The following ZSCAN32 variants were observed in gnomAD, a reference collection of about 807,000 sequenced individuals.
ZSCAN32 encodes the protein zinc finger and SCAN domain-containing protein 32.
In ZSCAN32, 52 loss-of-function variants were observed where a neutral mutation model predicts 47.4. That is an observed-to-expected ratio of 1.10 (90% CI 0.88 to 1.38). The LOEUF is 1.38. Among genes scored for constraint, ZSCAN32 ranks in the 40% most tolerant of loss-of-function variants. The pLI is 0.00. For missense variants in ZSCAN32, 959 were observed against 846.0 expected (o/e 1.13, Z -1.66); for synonymous variants, 346 against 305.7 (o/e 1.13, Z -1.38).
rs369512600 is a variant in ZSCAN32, at chr16:3,393,791, C to T, written c.390G>A (p.Leu130=). 1.6e-5 allele frequency: 25 copies of T among 1,549,684 alleles called. 1 individual carries two copies. The highest frequency in any genetic ancestry group is 4.9e-5 in the East Asian group (2 of 40,904). ...GQQVLDSEKD[L]KVLMKEMAPL... ...GGGCCATCTCCTTCATGAGTACTTT[C>T]AAGTCCTTCTCAGAATCTAGAACCT... is the stretch of plus-strand genomic sequence containing the variant. Residue 130 remains leucine (L), a synonymous_variant, in exon 3 of 7, where the codon TTG becomes TTA. Coordinates refer to ENST00000396852, the MANE Select transcript of ZSCAN32 (RefSeq NM_001284527.2).
intron 3 of ZSCAN32, among the ~76,000 whole-genome samples, chr16:3,392,769 T>G (rs983094782): frequency 5.9e-5 from 9 of 151,982 alleles, no homozygotes; most frequent in African/African-American, 2.2e-4. Flanking sequence ...GAGCTTGCAG[T>G]AAGCCAAGAT....
At chr16:3,394,101 A>C (rs1044801065) in intron 2 of ZSCAN32, among the ~76,000 whole-genome samples, 2 of 152,158 alleles carry the variant, frequency 1.3e-5, no homozygotes, top group African/African-American at 4.8e-5. Context: ...CCCCGTCTCT[A>C]CTAAAAATAC....
chr16:3,390,672 C>T (rs1335750040), intron 3 of ZSCAN32, among the ~76,000 whole-genome samples, 155 bp from the exon 4 acceptor site: 2 of 152,090 alleles, frequency 1.3e-5, no homozygotes, highest in African/African-American at 4.8e-5. Flanking sequence ...TCTTCTGAAT[C>T]GGAAATTCTG....
chr16:3,394,164 G>A (rs544360372), intron 2 of ZSCAN32, among the ~76,000 whole-genome samples: 1 of 152,170 alleles, frequency 6.6e-6, no homozygotes, highest in South Asian at 2.1e-4. Context: ...TATTTGGGAG[G>A]CTGAGGCAGG....
Position 3,397,596 on chromosome 16 carries a change from A to G in ZSCAN32, c.-39T>C, listed in dbSNP as rs2033499105. 1.4e-6 allele frequency: 2 copies of G among 1,477,472 alleles called. No homozygotes were observed. Among genetic ancestry groups the G allele is most frequent in the Non-Finnish European group, 1.8e-6 (2 of 1,110,338 alleles). The allele number at this position is 1,477,472 out of a possible 1,614,324, so 91.5% of individuals were successfully genotyped here. On this transcript the variant is annotated 5_prime_UTR_variant, in exon 2 of 7. Coordinates refer to ENST00000396852, the MANE Select transcript of ZSCAN32 (RefSeq NM_001284527.2). Reference sequence around the variant, plus strand: ...CTGGCTTACTCTGGTTGCCACTTCTACCCTGGAGATCAGAGTCCATCTTTC... The same window carrying G: ...CTGGCTTACTCTGGTTGCCACTTCTGCCCTGGAGATCAGAGTCCATCTTTC...
chr16:3,383,620 G>A lies in ZSCAN32; in HGVS notation c.1326C>T (p.Ser442=). Residue 442 remains serine, a synonymous_variant, in exon 7 of 7, where the codon TCC becomes TCT. Coordinates refer to ENST00000396852, the MANE Select transcript of ZSCAN32 (RefSeq NM_001284527.2). ...VEINKALQRK[S]RGVYWHSELQ... The stretch of plus-strand genomic sequence containing the variant: ...GCTCAGAGTGCCAATAAACTCCTCT[G>A]GACTTTCTCTGTAAAGCCTTGTTTA... 1 of 1,613,228 alleles carries A rather than the reference G, an allele frequency of 6.2e-7. No individual in the cohort carries two copies. Among genetic ancestry groups the A allele is most frequent in the Non-Finnish European group, 8.5e-7 (1 of 1,179,980 alleles).
chr16:3,397,773 A>G, intron 1 of ZSCAN32, 29 bp from the exon 2 acceptor site: 2 of 507,506 alleles, frequency 3.9e-6, no homozygotes, highest in Non-Finnish European at 6.8e-6. Context: ...GACAATATAA[A>G]CCTATCAAAC....
intron 6 of ZSCAN32, 53 bp from the exon 7 acceptor site, chr16:3,383,764 A>G: frequency 2.6e-6 from 4 of 1,514,026 alleles, no homozygotes; most frequent in Non-Finnish European, 3.5e-6. Flanking sequence ...AAGGAAAACA[A>G]TGGAATGCAA....
chr16:3,383,045 T>A lies in ZSCAN32; in HGVS notation c.1901A>T (p.Lys634Met). The stretch of plus-strand genomic sequence containing the variant: ...GAAGATTTTCCCACACACTGCACAC[T>A]TGTATGGGCTCTCCCCAGTGTGGAT... ...RRIHTGESPY[K>M]CAVCGKIFNN... is the part of the protein sequence containing the mutation. The change falls in exon 7 of 7, where the codon AAG becomes ATG. Residue 634 changes from lysine (K) to methionine (M), a missense_variant. Coordinates refer to ENST00000396852, the MANE Select transcript of ZSCAN32 (RefSeq NM_001284527.2). The A allele has an allele frequency of 6.2e-7, 1 of 1,614,130 alleles. No homozygotes were observed. The highest frequency in any genetic ancestry group is 8.5e-7 in the Non-Finnish European group (1 of 1,179,986).
chr16:3,390,546 G>A (rs112437010), intron 3 of ZSCAN32, 29 bp from the exon 4 acceptor site: 2 of 1,523,554 alleles, frequency 1.3e-6, no homozygotes, highest in Admixed American at 2.0e-5. Context: ...GCTATTAGAG[G>A]GCGGCTTCCA....
intron 5 of ZSCAN32, among the ~76,000 whole-genome samples, chr16:3,388,919 C>T (rs1473272386): frequency 2.0e-5 from 3 of 152,066 alleles, no homozygotes; most frequent in Admixed American, 6.6e-5. Flanking sequence ...TGGAACTGGA[C>T]GTGGTGGTAA....
Position 3,384,264 on chromosome 16 carries a change from G to A in ZSCAN32, c.1234+195C>T, listed in dbSNP as rs374935946. On this transcript the variant is annotated intron_variant, in intron 6 of 6. Transcript: ENST00000396852. The stretch of plus-strand genomic sequence containing the variant: ...GACATGAACTTAGTTGAAAGAGGTT[G>A]GCAAATGCAAAATCAGGGCTGTAAA... 38 of 702,416 alleles carry A rather than the reference G, an allele frequency of 5.4e-5. No individual in the cohort carries two copies. In the East Asian group the frequency reaches 6.2e-4, roughly 12 times the overall value. 43.5% of individuals were successfully genotyped at this position (702,416 alleles called of 1,614,324 possible). A position where few individuals can be genotyped will look rare whatever the true frequency, so the allele number is the denominator to read the frequency against.
intron 1 of ZSCAN32, among the ~76,000 whole-genome samples, chr16:3,399,904 G>T (rs1045933970): frequency 1.3e-5 from 2 of 152,138 alleles, no homozygotes; most frequent in Non-Finnish European, 2.9e-5. Flanking sequence ...CTGCACCCGC[G>T]AAGGCAGTCT....
chr16:3,394,987 A>T (rs926583450), intron 2 of ZSCAN32, among the ~76,000 whole-genome samples: 2 of 151,956 alleles, frequency 1.3e-5, no homozygotes, highest in African/African-American at 4.8e-5. Context: ...CCTTCCAAGC[A>T]CTCATCTGAA....
chr16:3,383,765 T>C, intron 6 of ZSCAN32, 54 bp from the exon 7 acceptor site: 1 of 1,512,632 alleles, frequency 6.6e-7, no homozygotes, highest in Non-Finnish European at 8.8e-7. Context: ...AGGAAAACAA[T>C]GGAATGCAAA....
In ZSCAN32 at chr16:3,383,206, C is replaced by A; in HGVS notation, c.1740G>T (p.Gly580=). 6.2e-7 allele frequency: 1 copy of A among 1,614,082 alleles called. No individual in the cohort carries two copies. The highest frequency in any genetic ancestry group is 1.1e-5 in the South Asian group (1 of 91,062). ...TCTGGTTGAAGCTTTTCCCACATTG[C>A]CCACACTGATAGGGCCTCTCCCCTG... ...THTGERPYQC[G]QCGKSFNQSS... The change falls in exon 7 of 7, where the codon GGG becomes GGT. Residue 580 remains glycine, a synonymous_variant. Coordinates refer to ENST00000396852, the MANE Select transcript of ZSCAN32 (RefSeq NM_001284527.2).
In ZSCAN32 at chr16:3,388,566, C is replaced by A. The variant is rs1330021602; in HGVS notation, c.751+1444G>T. Reference sequence around the variant, plus strand: ...TTATCTGTTTGTTCACTGTTGTATCCCTAACGACCTAGAACTAGGTCTGAG... The same window carrying A: ...TTATCTGTTTGTTCACTGTTGTATCACTAACGACCTAGAACTAGGTCTGAG... On this transcript the variant is annotated intron_variant, in intron 5 of 6. Transcript: ENST00000396852. 2.6e-5 allele frequency among the ~76,000 whole-genome samples: 4 copies of A among 152,068 alleles called. 1 individual carries two copies.
chr16:3,391,922 C>A (rs1271519618), intron 3 of ZSCAN32, among the ~76,000 whole-genome samples: 2 of 152,216 alleles, frequency 1.3e-5, no homozygotes, highest in South Asian at 4.1e-4. Context: ...CAGAGCAAGA[C>A]CCTGTCTCTT....
Position 3,382,715 on chromosome 16 carries a change from G to C in ZSCAN32, c.*137C>G. ...GGTCAGCGTCCTTATGCTGACTCCT[G>C]GTCCTAGACATGGGTCTTAAGATCC... On this transcript the variant is annotated 3_prime_UTR_variant, in exon 7 of 7. Transcript: ENST00000396852. 7.2e-7 allele frequency: 1 copy of C among 1,392,886 alleles called. No homozygotes were observed. The highest frequency in any genetic ancestry group is 9.5e-7 in the Non-Finnish European group (1 of 1,049,308). 86.3% of individuals were successfully genotyped at this position (1,392,886 alleles called of 1,614,324 possible). A position where few individuals can be genotyped will look rare whatever the true frequency, so the allele number is the denominator to read the frequency against.
Sources: allele counts gnomAD v4.1 joint callset (sites outside exome capture counted in the v4.1 genomes callset), GRCh38; gene constraint gnomAD v4.1.1; transcripts MANE v1.5; gene names NCBI Gene and HGNC (gene_info 2026-07-23, HGNC 2026-07-21).